VIT: variants seen among roughly 807,000 people sequenced by gnomAD.
VIT encodes the protein vitrin.
A neutral mutation model predicts 78.0 loss-of-function variants in VIT; 99 were observed. The ratio of observed to expected loss-of-function variants is 1.27; its 90% confidence interval spans 1.08 to 1.50. The LOEUF (loss-of-function observed/expected upper bound fraction) is 1.50, where lower values mean the gene tolerates loss of function less well. VIT is among the 40% of genes most tolerant of loss of function. The pLI, the probability that VIT is intolerant of heterozygous loss-of-function variation, is 0.00. For synonymous variants in VIT, 374 were observed against 334.3 expected (o/e 1.12, Z -1.29); for missense variants, 1,126 against 875.3 (o/e 1.29, Z -3.61).
At position 36,765,510 on chromosome 2, in the gene VIT, A is replaced by G. The variant is rs144595357; in HGVS notation, c.488-1584A>G. Among the ~76,000 whole-genome samples, 177 of 152,174 alleles carry G rather than the reference A, an allele frequency of 1.2e-3. 1 individual carries two copies. Among genetic ancestry groups the G allele is most frequent in the African/African-American group, 4.1e-3 (171 of 41,504 alleles). On this transcript the variant is annotated intron_variant, in intron 6 of 15. Coordinates refer to ENST00000379242, the MANE Select transcript of VIT (RefSeq NM_053276.4). ...ACTCACTCACTATCATGAAAACAGCATGAGGGACACCGCCCCCATGATCCA... is the reference window on the plus strand; with the variant it reads ...ACTCACTCACTATCATGAAAACAGCGTGAGGGACACCGCCCCCATGATCCA...
chr2:36,718,740 A>G (rs976985713), intron 2 of VIT, among the ~76,000 whole-genome samples: 10 of 152,154 alleles, frequency 6.6e-5, no homozygotes, highest in African/African-American at 2.4e-4. Flanking sequence ...AGCCACTGCT[A>G]TTATCCTCAG....
intron 1 of VIT, among the ~76,000 whole-genome samples, chr2:36,705,894 T>G (rs1413767803): frequency 6.6e-6 from 1 of 152,106 alleles, no homozygotes; most frequent in African/African-American, 2.4e-5. Flanking sequence ...TGCAGGATGG[T>G]CAGTAGTATC....
chr2:36,808,771 G>T lies in VIT; in HGVS notation c.1689G>T (p.Gly563=). 1.9e-6 allele frequency: 3 copies of T among 1,613,962 alleles called. No individual in the cohort carries two copies. The highest frequency in any genetic ancestry group is 2.5e-6 in the Non-Finnish European group (3 of 1,179,836). ...CCTACGAACAGCGGCTGGAGTTTGGGTTCGACAAGTACAGCAGCAAGCCTG... is the reference window on the plus strand; with the variant it reads ...CCTACGAACAGCGGCTGGAGTTTGGTTTCGACAAGTACAGCAGCAAGCCTG... ...QYTYEQRLEF[G]FDKYSSKPDI... is the part of the protein sequence containing the mutation. The change falls in exon 15 of 16, where the codon GGG becomes GGT. Residue 563 remains glycine (G), a synonymous_variant. Coordinates refer to ENST00000379242, the MANE Select transcript of VIT (RefSeq NM_053276.4).
chr2:36,812,852 TTTC>T (rs1467063703), intron 15 of VIT, among the ~76,000 whole-genome samples: 64 of 136,190 alleles, frequency 4.7e-4, no homozygotes, highest in Middle Eastern at 4.2e-3. Context: ...GGTTTTGTTT[TTTC>T]TTCTTCTTTT....
chr2:36,712,422 G>C (rs889853602), intron 1 of VIT, among the ~76,000 whole-genome samples: 4 of 152,184 alleles, frequency 2.6e-5, no homozygotes, highest in African/African-American at 9.7e-5. Context: ...GGACAGATTT[G>C]AGAGCACTTC....
At chr2:36,777,980 C>G (rs1670172222) in intron 9 of VIT, among the ~76,000 whole-genome samples, 2 of 152,154 alleles carry the variant, frequency 1.3e-5, no homozygotes, top group Admixed American at 1.3e-4. Flanking sequence ...TGCTGTCATC[C>G]TCCTTTCTAC....
At chr2:36,728,327 TA>T (rs1260702254) in intron 2 of VIT, among the ~76,000 whole-genome samples, 3 of 152,002 alleles carry the variant, frequency 2.0e-5, no homozygotes, top group African/African-American at 7.2e-5. Flanking sequence ...ATTTTAAAAG[TA>T]AAAAATTTTA....
chr2:36,712,319 C>T (rs1473129070), intron 1 of VIT, among the ~76,000 whole-genome samples: 3 of 152,122 alleles, frequency 2.0e-5, no homozygotes, highest in East Asian at 3.8e-4. Context: ...TGGGTGAGAT[C>T]GCGGGGATTA....
chr2:36,729,496 G>T lies in VIT; in HGVS notation c.118+5G>T. The stretch of plus-strand genomic sequence containing the variant: ...AGATTAAAAGGCCCAAGTTCAGTAA[G>T]TAAAATCACAATTCCTTGCTGGCAT... On this transcript the variant is annotated splice_donor_5th_base_variant and intron_variant, in intron 3 of 15. Transcript: ENST00000379242. 2 of 1,608,806 alleles carry T rather than the reference G, an allele frequency of 1.2e-6. No homozygotes were observed. The highest frequency in any genetic ancestry group is 8.5e-7 in the Non-Finnish European group (1 of 1,177,774).
intron 4 of VIT, among the ~76,000 whole-genome samples, chr2:36,745,193 G>GA (rs1038842905): frequency 5.9e-5 from 9 of 151,944 alleles, no homozygotes; most frequent in African/African-American, 2.2e-4. Context: ...TTTTTGTACT[G>GA]ACACCATGTT....
intron 12 of VIT, among the ~76,000 whole-genome samples, chr2:36,793,184 G>A (rs117825863): frequency 1.6e-4 from 24 of 152,250 alleles, no homozygotes; most frequent in African/African-American, 5.5e-4. Flanking sequence ...GTTCAGGAGT[G>A]GCTCTCAGAT....
intron 3 of VIT, among the ~76,000 whole-genome samples, chr2:36,736,970 A>G (rs1667545010): frequency 6.6e-6 from 1 of 152,172 alleles, no homozygotes; most frequent in African/African-American, 2.4e-5. Flanking sequence ...TATACAGTCT[A>G]TCTTCCCAGC....
chr2:36,727,494 A>C (rs1046958167), intron 2 of VIT, among the ~76,000 whole-genome samples: 15 of 152,308 alleles, frequency 9.8e-5, no homozygotes, highest in African/African-American at 2.9e-4. Flanking sequence ...AAATTAGTGG[A>C]CTTCTCCAGA....
At chr2:36,814,026 G>C (rs1667382063) in intron 15 of VIT, among the ~76,000 whole-genome samples, 157 bp from the exon 16 acceptor site, 1 of 152,166 alleles carries the variant, frequency 6.6e-6, no homozygotes, top group Admixed American at 6.5e-5. Context: ...CTTTATTCTG[G>C]AAACCTAGAG....
chr2:36,723,170 A>G (rs961372264), intron 2 of VIT, among the ~76,000 whole-genome samples: 3 of 152,122 alleles, frequency 2.0e-5, no homozygotes, highest in Non-Finnish European at 2.9e-5. Flanking sequence ...CAGGTAATTT[A>G]ATAATCTACT....
chr2:36,788,479 A>G (rs1051940231), intron 12 of VIT, among the ~76,000 whole-genome samples: 2 of 152,222 alleles, frequency 1.3e-5, no homozygotes, highest in Non-Finnish European at 2.9e-5. Flanking sequence ...TTAATAGATG[A>G]GTTAACTGGC....
chr2:36,807,067 C>G, intron 14 of VIT, among the ~76,000 whole-genome samples: 1 of 152,206 alleles, frequency 6.6e-6, no homozygotes, highest in Non-Finnish European at 1.5e-5. Flanking sequence ...TCCTCATCAG[C>G]TCCCACATCA....
At chr2:36,735,313 T>C (rs1394408327) in intron 3 of VIT, among the ~76,000 whole-genome samples, 2 of 152,240 alleles carry the variant, frequency 1.3e-5, no homozygotes, top group East Asian at 1.9e-4. Context: ...GCTAATATTT[T>C]GCTTTTATGT....
intron 10 of VIT, among the ~76,000 whole-genome samples, chr2:36,782,483 A>C (rs927442549): frequency 1.4e-4 from 22 of 152,250 alleles, no homozygotes; most frequent in African/African-American, 4.8e-4. Context: ...ACTGCAGCCA[A>C]GCGCGAGCGA....
Sources: allele counts gnomAD v4.1 joint callset (sites outside exome capture counted in the v4.1 genomes callset), GRCh38; gene constraint gnomAD v4.1.1; transcripts MANE v1.5; gene names NCBI Gene and HGNC (gene_info 2026-07-23, HGNC 2026-07-21).